The following ENTHD1 variants were observed in gnomAD, a reference collection of about 807,000 sequenced individuals.
ENTHD1 encodes the protein ENTH domain-containing protein 1.
ENTHD1 carries 23 observed loss-of-function variants against 39.1 expected under a neutral mutation model. That is an observed-to-expected ratio of 0.59 (90% confidence interval 0.42 to 0.83). The LOEUF (loss-of-function observed/expected upper bound fraction) is 0.83, where lower values mean the gene tolerates loss of function less well. Ranked by LOEUF, ENTHD1 falls within the 40% of genes least tolerant of loss-of-function variation. ENTHD1 has a pLI of 0.00. For synonymous variants in ENTHD1, 230 were observed against 258.2 expected (o/e 0.89, Z 1.05); for missense variants, 624 against 705.4 (o/e 0.88, Z 1.31).
At chr22:39,794,147 TG>T (rs1417629405) in intron 5 of ENTHD1, among the ~76,000 whole-genome samples, 1 of 152,208 alleles carries the variant, frequency 6.6e-6, no homozygotes. Context: ...ATCAGTGTTT[TG>T]TAGTTTTCCT....
chr22:39,886,193 C>T (rs541917203), intron 2 of ENTHD1, among the ~76,000 whole-genome samples: 5 of 151,964 alleles, frequency 3.3e-5, no homozygotes, highest in South Asian at 2.1e-4. Context: ...TCCAACTATA[C>T]GACATCTGAA....
intron 3 of ENTHD1, among the ~76,000 whole-genome samples, chr22:39,847,940 G>A (rs1000055651): frequency 2.6e-5 from 4 of 152,164 alleles, no homozygotes; most frequent in Non-Finnish European, 4.4e-5. Context: ...CTCTGTTTCT[G>A]GTTTCACAAA....
At chr22:39,889,161 T>C (rs1308575392) in intron 1 of ENTHD1, among the ~76,000 whole-genome samples, 3 of 152,254 alleles carry the variant, frequency 2.0e-5, no homozygotes, top group Admixed American at 6.5e-5. Flanking sequence ...TTGTTCACCT[T>C]TGGAAAAAGA....
chr22:39,821,153 A>G (rs775254057), intron 4 of ENTHD1, 40 bp from the exon 5 acceptor site: 31 of 1,609,434 alleles, frequency 1.9e-5, no homozygotes, highest in Middle Eastern at 3.3e-4. Flanking sequence ...GAAGAAAAAA[A>G]TTAATATCCC....
intron 5 of ENTHD1, among the ~76,000 whole-genome samples, chr22:39,787,899 G>C (rs2065472716): frequency 6.6e-6 from 1 of 152,204 alleles, no homozygotes; most frequent in Non-Finnish European, 1.5e-5. Flanking sequence ...ACAGGCTTTT[G>C]TTGGCAAAAG....
intron 5 of ENTHD1, among the ~76,000 whole-genome samples, chr22:39,813,549 AACTC>A (rs1467122056): frequency 6.6e-6 from 1 of 152,228 alleles, no homozygotes; most frequent in African/African-American, 2.4e-5. Flanking sequence ...AAAATGGAGA[AACTC>A]AACATATAGT....
In ENTHD1 at chr22:39,867,602, C is replaced by A. The variant is rs1449821217; in HGVS notation, c.350-5595G>T. Reference sequence around the variant, plus strand: ...TGCCTGTGGTGTCCTAAATTACTTACTTAGCTTTAGTCTCCCTTCCAATCT... The same window carrying A: ...TGCCTGTGGTGTCCTAAATTACTTAATTAGCTTTAGTCTCCCTTCCAATCT... On this transcript the variant is annotated intron_variant, in intron 2 of 6. Coordinates refer to ENST00000325157, the MANE Select transcript of ENTHD1 (RefSeq NM_152512.4). The surrounding 1 kb of genome is among the most constrained non-coding windows in gnomAD (Gnocchi z 4.5). 1.3e-5 allele frequency among the ~76,000 whole-genome samples: 2 copies of A among 152,148 alleles called. No individual in the cohort carries two copies. The highest frequency in any genetic ancestry group is 4.8e-5 in the African/African-American group (2 of 41,418).
At chr22:39,785,089 AG>A (rs1386852278) in intron 5 of ENTHD1, among the ~76,000 whole-genome samples, 1 of 152,200 alleles carries the variant, frequency 6.6e-6, no homozygotes. Flanking sequence ...TGGTGGATTA[AG>A]ACAACAGATT....
chr22:39,756,887 A>G (rs1044025154), intron 6 of ENTHD1, among the ~76,000 whole-genome samples: 17 of 152,182 alleles, frequency 1.1e-4, no homozygotes, highest in Admixed American at 1.1e-3. Flanking sequence ...CTATAGCTTT[A>G]CCGTAAGACT....
intron 2 of ENTHD1, among the ~76,000 whole-genome samples, chr22:39,878,317 G>A (rs1362948702): frequency 1.3e-5 from 2 of 152,038 alleles, no homozygotes; most frequent in Admixed American, 6.6e-5. Flanking sequence ...CAAGAACTAT[G>A]GGACAACTAT....
intron 2 of ENTHD1, among the ~76,000 whole-genome samples, chr22:39,868,505 C>T (rs1194783003): frequency 6.6e-6 from 1 of 152,052 alleles, no homozygotes; most frequent in Admixed American, 6.6e-5. Context: ...TATGTAAGAC[C>T]TCAAACTATA....
intron 5 of ENTHD1, among the ~76,000 whole-genome samples, chr22:39,808,891 T>G (rs1047130851): frequency 6.6e-6 from 1 of 152,218 alleles, no homozygotes; most frequent in Non-Finnish European, 1.5e-5. Context: ...CTGTTTTTCA[T>G]GCATGAATCA....
At chr22:39,855,423 T>C (rs2066076991) in intron 3 of ENTHD1, among the ~76,000 whole-genome samples, 1 of 152,200 alleles carries the variant, frequency 6.6e-6, no homozygotes, top group African/African-American at 2.4e-5. Context: ...GCTTGTATTC[T>C]TTACCATTAT....
At chr22:39,856,392 C>T (rs951754968) in intron 3 of ENTHD1, among the ~76,000 whole-genome samples, 8 of 151,644 alleles carry the variant, frequency 5.3e-5, no homozygotes, top group East Asian at 1.9e-4. Flanking sequence ...CAAATGCCTA[C>T]ATGGAATTGG....
At chr22:39,891,955 T>C (rs1407676461) in intron 1 of ENTHD1, among the ~76,000 whole-genome samples, 2 of 152,066 alleles carry the variant, frequency 1.3e-5, no homozygotes, top group African/African-American at 2.4e-5. Flanking sequence ...CGAGTTCTTA[T>C]TGGTTGCCCA....
intron 6 of ENTHD1, among the ~76,000 whole-genome samples, chr22:39,758,444 G>A (rs2065202903): frequency 6.6e-6 from 1 of 151,886 alleles, no homozygotes; most frequent in Non-Finnish European, 1.5e-5. Context: ...TTATTTTGGA[G>A]ATGGGTGTCT....
chr22:39,834,559 T>C (rs2065894172), intron 4 of ENTHD1, among the ~76,000 whole-genome samples: 1 of 152,154 alleles, frequency 6.6e-6, no homozygotes, highest in African/African-American at 2.4e-5. Context: ...GTATAGCCAC[T>C]CTGGAAAATA....
chr22:39,879,462 C>CA (rs34372930), intron 2 of ENTHD1, among the ~76,000 whole-genome samples: 6,153 of 16,374 alleles, frequency 0.38, 1,897 homozygotes, highest in Non-Finnish European at 0.45. Context: ...GACTCTGTCT[C>CA]AAAAAAAAAA....
intron 2 of ENTHD1, among the ~76,000 whole-genome samples, chr22:39,863,755 G>A (rs1056182382): frequency 6.6e-6 from 1 of 152,096 alleles, no homozygotes; most frequent in African/African-American, 2.4e-5. Context: ...AAGTATTAAT[G>A]TTTTCTAACT....
Sources: allele counts gnomAD v4.1 joint callset (sites outside exome capture counted in the v4.1 genomes callset), GRCh38; gene constraint gnomAD v4.1.1; non-coding constraint Gnocchi (gnomAD v3.1); transcripts MANE v1.5; gene names NCBI Gene and HGNC (gene_info 2026-07-23, HGNC 2026-07-21).